MBNL2: variants seen among roughly 807,000 people sequenced by gnomAD.
MBNL2 encodes muscleblind-like protein 2.
A neutral mutation model predicts 41.9 loss-of-function variants in MBNL2; 17 were observed. The observed-to-expected ratio is 0.41, with a 90% CI of 0.28 to 0.61. The LOEUF (loss-of-function observed/expected upper bound fraction) is 0.61, where lower values mean the gene tolerates loss of function less well. Ranked by LOEUF, MBNL2 falls within the 20% of genes least tolerant of loss-of-function variation. The pLI is 0.35. For missense variants in MBNL2, 336 were observed against 505.6 expected (o/e 0.66, Z 3.22); for synonymous variants, 195 against 182.9 (o/e 1.07, Z -0.53).
At chr13:97,344,228 G>A (rs1484498449) in intron 4 of MBNL2, among the ~76,000 whole-genome samples, 4 of 152,198 alleles carry the variant, frequency 2.6e-5, no homozygotes, top group African/African-American at 9.6e-5. Context: ...CAAACCTCCT[G>A]TACTTTGTTG....
At chr13:97,219,740 A>G (rs2040700370), upstream of MBNL2, among the ~76,000 whole-genome samples, 1 of 152,194 alleles carries the variant, frequency 6.6e-6, no homozygotes, top group South Asian at 2.1e-4. Flanking sequence ...TGTTAGGGGG[A>G]CACAATTCAG....
At chr13:97,154,804 T>TGGATGGAC in the MBNL2 span, among the ~76,000 whole-genome samples, 120 of 151,066 alleles carry the variant, frequency 7.9e-4, no homozygotes, top group African/African-American at 2.8e-3. Context: ...GATGGATGGA[T>TGGATGGAC]GGATGGATGG....
At chr13:97,292,123 C>G (rs942513523) in intron 2 of MBNL2, among the ~76,000 whole-genome samples, 3 of 149,476 alleles carry the variant, frequency 2.0e-5, no homozygotes, top group Non-Finnish European at 4.4e-5. Context: ...ACGGCGTGAA[C>G]CCGGGACGCG....
chr13:97,307,592 G>A (rs2058239509), intron 2 of MBNL2, among the ~76,000 whole-genome samples: 1 of 152,062 alleles, frequency 6.6e-6, no homozygotes, highest in Admixed American at 6.6e-5. Context: ...ACAACAGGAA[G>A]GGAAAAATAA....
At chr13:97,265,605 T>C (rs1350949069) in intron 1 of MBNL2, among the ~76,000 whole-genome samples, 1 of 152,164 alleles carries the variant, frequency 6.6e-6, no homozygotes, top group East Asian at 1.9e-4. Context: ...TCGTTGACTT[T>C]GGAGAAAATA....
At chr13:97,191,379 G>A in the MBNL2 span, among the ~76,000 whole-genome samples, 2,476 of 149,662 alleles carry the variant, frequency 0.017, 69 homozygotes, top group African/African-American at 0.058. Flanking sequence ...GCCTTGAGGA[G>A]TCCCTGTTTC....
chr13:97,207,232 A>G, the MBNL2 span, among the ~76,000 whole-genome samples: 1 of 152,238 alleles, frequency 6.6e-6, no homozygotes, highest in African/African-American at 2.4e-5. Context: ...AATTATGCAG[A>G]GAAGCATTAT....
chr13:97,233,761 C>T (rs957443382), intron 1 of MBNL2, among the ~76,000 whole-genome samples: 5 of 151,722 alleles, frequency 3.3e-5, no homozygotes, highest in African/African-American at 1.2e-4. Context: ...TCTGGGGCTG[C>T]TGGGACCAGC....
chr13:97,276,670 C>T (rs1040054669), intron 2 of MBNL2, among the ~76,000 whole-genome samples: 1 of 152,108 alleles, frequency 6.6e-6, no homozygotes, highest in African/African-American at 2.4e-5. Flanking sequence ...AGTTTTAAAT[C>T]AAAGTCTGGC....
intron 2 of MBNL2, among the ~76,000 whole-genome samples, chr13:97,325,432 T>C (rs545339252): frequency 6.6e-5 from 10 of 152,198 alleles, no homozygotes; most frequent in African/African-American, 2.4e-4. Context: ...CCAAAATGCA[T>C]TTAAAATTTT....
chr13:97,346,110 GATGA>G lies in MBNL2; in HGVS notation c.541-686_541-683del. On this transcript the variant is annotated intron_variant, in intron 4 of 8. Coordinates refer to ENST00000679496, the MANE Select transcript of MBNL2 (RefSeq NM_001382683.1). This position sits in a 1 kb window ranked among gnomAD's most constrained non-coding sequence, Gnocchi z 4.2. Reference sequence around the variant, plus strand: ...TGGCTGGATGGATAGATGATAGATGGATGAATGAATGGCTGGCTGGATGGACGGA... The same window carrying G: ...TGGCTGGATGGATAGATGATAGATGGATGAATGGCTGGCTGGATGGACGGA... Among the ~76,000 whole-genome samples, 1 of 152,226 alleles carries G rather than the reference GATGA, an allele frequency of 6.6e-6. No homozygotes were observed. The highest frequency in any genetic ancestry group is 3.4e-3 in the Middle Eastern group (1 of 294).
At chr13:97,176,625 C>A in the MBNL2 span, among the ~76,000 whole-genome samples, 8 of 152,288 alleles carry the variant, frequency 5.3e-5, no homozygotes, top group East Asian at 1.5e-3. Flanking sequence ...TTAATGAGTA[C>A]AGCTTAGCCT....
intron 2 of MBNL2, among the ~76,000 whole-genome samples, chr13:97,285,454 G>C (rs1181183622): frequency 3.9e-5 from 6 of 152,210 alleles, no homozygotes; most frequent in Admixed American, 3.9e-4. Context: ...AACGACAGCA[G>C]CTGCCACTCA....
chr13:97,256,981 CGTTA>C (rs2047662999), intron 1 of MBNL2, among the ~76,000 whole-genome samples: 1 of 152,108 alleles, frequency 6.6e-6, no homozygotes, highest in Non-Finnish European at 1.5e-5. Flanking sequence ...TTTATTTCAT[CGTTA>C]GTTAAAAAGA....
Position 97,222,353 on chromosome 13 carries a change from T to A in MBNL2, c.-783T>A, listed in dbSNP as rs1287691831. 1 of 398,452 alleles carries A rather than the reference T, an allele frequency of 2.5e-6. No homozygotes were observed. The highest frequency in any genetic ancestry group is 2.1e-5 in the African/African-American group (1 of 48,642). The allele number at this position is 398,452 out of a possible 1,614,324, so 24.7% of individuals were successfully genotyped here. On this transcript the variant is annotated 5_prime_UTR_variant, in exon 1 of 9. Transcript: ENST00000679496. ...AGTTTAGACTGTCTTTGCTTCATCATCTGAAGGTAAAATTTTCCAGATACG... is the reference window on the plus strand; with the variant it reads ...AGTTTAGACTGTCTTTGCTTCATCAACTGAAGGTAAAATTTTCCAGATACG...
intron 2 of MBNL2, among the ~76,000 whole-genome samples, chr13:97,322,075 C>A (rs2059547234): frequency 6.6e-6 from 1 of 152,204 alleles, no homozygotes; most frequent in African/African-American, 2.4e-5. Context: ...GTCCTGTGTG[C>A]AATTCCTTCC....
chr13:97,267,493 C>G (rs775905161), intron 1 of MBNL2, among the ~76,000 whole-genome samples: 2 of 152,120 alleles, frequency 1.3e-5, no homozygotes, highest in Non-Finnish European at 2.9e-5. Flanking sequence ...AAAGATGAGT[C>G]AAGCAGTGAA....
At chr13:97,279,377 G>A (rs751182786) in intron 2 of MBNL2, among the ~76,000 whole-genome samples, 3 of 152,176 alleles carry the variant, frequency 2.0e-5, no homozygotes, top group Non-Finnish European at 4.4e-5. Context: ...TTCAAAGACT[G>A]CCTGACCTGT....
chr13:97,226,747 G>T (rs974015186), intron 1 of MBNL2, among the ~76,000 whole-genome samples: 1 of 152,032 alleles, frequency 6.6e-6, no homozygotes, highest in Admixed American at 6.5e-5. Context: ...GCAATAGATA[G>T]ATAAGAATGG....
Sources: allele counts gnomAD v4.1 joint callset (sites outside exome capture counted in the v4.1 genomes callset), GRCh38; gene constraint gnomAD v4.1.1; non-coding constraint Gnocchi (gnomAD v3.1); transcripts MANE v1.5; gene names NCBI Gene and HGNC (gene_info 2026-07-23, HGNC 2026-07-21).